The following FILIP1L variants were observed in gnomAD, a reference collection of about 807,000 sequenced individuals.
FILIP1L encodes filamin A-interacting protein 1-like.
FILIP1L carries 55 observed loss-of-function variants against 96.6 expected under a neutral mutation model. The ratio of observed to expected loss-of-function variants is 0.57; its 90% confidence interval spans 0.46 to 0.71. FILIP1L has a LOEUF of 0.71. Ranked by LOEUF, FILIP1L falls within the 30% of genes least tolerant of loss-of-function variation. The pLI is 0.00. For missense variants in FILIP1L, 1,304 were observed against 1,321.2 expected, an observed-to-expected ratio of 0.99 and a Z score of 0.20; for synonymous variants, 467 against 473.9, an observed-to-expected ratio of 0.99 and a Z score of 0.19.
intron 1 of FILIP1L, among the ~76,000 whole-genome samples, chr3:99,937,588 T>C (rs1178752452): frequency 6.6e-6 from 1 of 152,214 alleles, no homozygotes; most frequent in Non-Finnish European, 1.5e-5. Flanking sequence ...ATAATGGTAC[T>C]TGCTAATGGG....
intron 4 of FILIP1L, among the ~76,000 whole-genome samples, chr3:99,878,804 A>G (rs1705625804): frequency 6.6e-6 from 1 of 152,160 alleles, no homozygotes. Context: ...TGTATTGCAA[A>G]CTCCAACCAG....
chr3:99,927,225 T>G (rs919192245), intron 3 of FILIP1L, among the ~76,000 whole-genome samples: 1 of 152,234 alleles, frequency 6.6e-6, no homozygotes, highest in African/African-American at 2.4e-5. Context: ...ATTAACTAAC[T>G]AAATGAATAA....
At position 100,052,695 on chromosome 3, in the gene FILIP1L, A is replaced by G. The variant is rs150265803; in HGVS notation, c.-11+61358T>C. Among the ~76,000 whole-genome samples the G allele has an allele frequency of 3.4e-3, 522 of 152,358 alleles. 3 individuals carry two copies. Among genetic ancestry groups the G allele is most frequent in the African/African-American group, 0.012 (480 of 41,586 alleles). On this transcript the variant is annotated intron_variant, in intron 1 of 5. Coordinates refer to ENST00000477258, the MANE Select transcript of FILIP1L (RefSeq NM_001387850.1). ...TTTCTTTCTATAACCACATTTTAAG[A>G]TAAGTATATTCTAAAATTTTACAAA...
intron 3 of FILIP1L, among the ~76,000 whole-genome samples, chr3:99,929,279 T>G (rs1707394557): frequency 6.6e-6 from 1 of 152,332 alleles, no homozygotes; most frequent in Non-Finnish European, 1.5e-5. Context: ...AATTGCTAGG[T>G]ACGCTTGGTG....
In FILIP1L at chr3:99,849,639, A is replaced by G. The variant is rs979980421; in HGVS notation, c.2037T>C (p.His679=). 2 of 1,613,360 alleles carry G rather than the reference A, an allele frequency of 1.2e-6. No individual in the cohort carries two copies. Among genetic ancestry groups the G allele is most frequent in the African/African-American group, 2.7e-5 (2 of 75,004 alleles). The change falls in exon 5 of 6, where the codon CAT becomes CAC. Residue 679 remains histidine, a synonymous_variant. Coordinates refer to ENST00000477258, the MANE Select transcript of FILIP1L (RefSeq NM_001387850.1). ...KAQFLSKELE[H]VKMELAKYKL... The stretch of plus-strand genomic sequence containing the variant: ...TGTACTTAGCAAGTTCCATTTTAAC[A>G]TGTTCTAGCTCTTTAGATAAAAATT...
intron 1 of FILIP1L, among the ~76,000 whole-genome samples, chr3:99,959,515 T>C (rs889087484): frequency 2.0e-5 from 3 of 152,224 alleles, no homozygotes; most frequent in Non-Finnish European, 4.4e-5. Context: ...AATTAAGTCA[T>C]TTAATTTGTG....
chr3:100,112,099 T>C (rs2066501405), intron 1 of FILIP1L, among the ~76,000 whole-genome samples: 1 of 152,212 alleles, frequency 6.6e-6, no homozygotes, highest in Non-Finnish European at 1.5e-5. Context: ...AACTAAGCTA[T>C]TACTATAAAA....
intron 1 of FILIP1L, among the ~76,000 whole-genome samples, chr3:100,065,864 T>C (rs908438658): frequency 2.6e-5 from 4 of 152,242 alleles, no homozygotes; most frequent in East Asian, 3.8e-4. Context: ...CTGTGTTCTA[T>C]GCTGTAAGGT....
intron 1 of FILIP1L, among the ~76,000 whole-genome samples, chr3:100,109,161 G>T (rs9829705): frequency 0.017 from 2,582 of 151,264 alleles, 84 homozygotes; most frequent in African/African-American, 0.058. Flanking sequence ...AATCAAGGTG[G>T]TTGGACTCTA....
intron 1 of FILIP1L, among the ~76,000 whole-genome samples, chr3:100,012,761 C>CTTTT (rs35737304): frequency 4.3e-5 from 4 of 93,614 alleles, no homozygotes; most frequent in Non-Finnish European, 6.9e-5. Context: ...GAAGCATATT[C>CTTTT]TTTTTTTTTT....
intron 1 of FILIP1L, among the ~76,000 whole-genome samples, chr3:99,937,266 C>T (rs577083987): frequency 8.5e-5 from 13 of 152,270 alleles, no homozygotes; most frequent in South Asian, 4.2e-4. Context: ...GGACCAATCT[C>T]CAATTTGTTG....
chr3:99,977,391 CAAAGT>C (rs1709002949), intron 1 of FILIP1L, among the ~76,000 whole-genome samples: 1 of 152,008 alleles, frequency 6.6e-6, no homozygotes, highest in Admixed American at 6.6e-5. Context: ...AGCAGGGAAA[CAAAGT>C]AAGAGTATTT....
intron 1 of FILIP1L, among the ~76,000 whole-genome samples, chr3:100,109,021 C>T (rs374824361): frequency 2.0e-5 from 3 of 150,804 alleles, no homozygotes; most frequent in African/African-American, 4.9e-5. Flanking sequence ...GTTTGACAGT[C>T]GGTATTATAC....
intron 1 of FILIP1L, among the ~76,000 whole-genome samples, chr3:100,016,554 G>A (rs572495089): frequency 6.6e-6 from 1 of 152,136 alleles, no homozygotes; most frequent in Non-Finnish European, 1.5e-5. Flanking sequence ...AGGGTGCCTT[G>A]CTGAAACTTC....
intron 1 of FILIP1L, among the ~76,000 whole-genome samples, chr3:100,059,327 T>A (rs1222445338): frequency 2.6e-5 from 4 of 152,206 alleles, no homozygotes; most frequent in Non-Finnish European, 5.9e-5. Context: ...GCCTTCCATG[T>A]GACATCTTTT....
chr3:99,937,547 G>A (rs1283307378), intron 1 of FILIP1L, among the ~76,000 whole-genome samples: 2 of 152,200 alleles, frequency 1.3e-5, no homozygotes, highest in African/African-American at 4.8e-5. Flanking sequence ...GTGGCCTTGG[G>A]CGTCAGTGAG....
chr3:99,832,824 A>G (rs1239191200), intron 5 of FILIP1L, among the ~76,000 whole-genome samples: 1 of 138,040 alleles, frequency 7.2e-6, no homozygotes, highest in Admixed American at 7.4e-5. Flanking sequence ...TGGGCCACAG[A>G]GCAAGACTCT....
intron 4 of FILIP1L, among the ~76,000 whole-genome samples, chr3:99,879,811 T>C (rs1705660617): frequency 6.6e-6 from 1 of 152,188 alleles, no homozygotes; most frequent in Non-Finnish European, 1.5e-5. Context: ...GCAAGACCTG[T>C]ATAAGACCTG....
At chr3:99,969,562 A>G (rs540234871) in intron 1 of FILIP1L, among the ~76,000 whole-genome samples, 2 of 152,346 alleles carry the variant, frequency 1.3e-5, no homozygotes, top group East Asian at 1.9e-4. Context: ...GAGCCGTGCT[A>G]TCCCAACTGG....
Sources: allele counts gnomAD v4.1 joint callset (sites outside exome capture counted in the v4.1 genomes callset), GRCh38; gene constraint gnomAD v4.1.1; transcripts MANE v1.5; gene names NCBI Gene and HGNC (gene_info 2026-07-23, HGNC 2026-07-21).